DMXL1: variants seen among roughly 807,000 people sequenced by gnomAD.
DMXL1 encodes Dmx like 1, also known as dmX-like protein 1.
A neutral mutation model predicts 319.2 loss-of-function variants in DMXL1; 99 were observed. The ratio of observed to expected loss-of-function variants is 0.31; its 90% confidence interval spans 0.26 to 0.37. DMXL1 has a LOEUF of 0.37. Ranked by LOEUF, DMXL1 falls within the 10% of genes least tolerant of loss-of-function variation. The pLI is 1.00. For synonymous variants in DMXL1, 1,385 were observed against 1,235.2 expected (o/e 1.12, Z -2.54); for missense variants, 3,745 against 3,595.6 (o/e 1.04, Z -1.06).
At chr5:119,112,075 C>A (rs1191436729) in intron 5 of DMXL1, among the ~76,000 whole-genome samples, 1 of 152,196 alleles carries the variant, frequency 6.6e-6, no homozygotes, top group Non-Finnish European at 1.5e-5. Context: ...ATTCTCCTGC[C>A]TCGGCCTCCC....
intron 43 of DMXL1, among the ~76,000 whole-genome samples, chr5:119,246,453 T>C (rs184477274): frequency 1.2e-3 from 180 of 152,306 alleles, no homozygotes; most frequent in Non-Finnish European, 1.9e-3. Context: ...CTTACTCTCT[T>C]ACTAGATGGA....
rs1436549186 is a variant in DMXL1, at chr5:119,116,568, T to G, written c.743+232T>G. Among the ~76,000 whole-genome samples the G allele has an allele frequency of 2.6e-5, 4 of 152,230 alleles. No homozygotes were observed. The East Asian group carries it at 7.7e-4, about 29-fold the overall frequency. On this transcript the variant is annotated intron_variant, in intron 7 of 43. Transcript: ENST00000539542. The stretch of plus-strand genomic sequence containing the variant: ...TTAAGCTGGGATAGTTTACTCCATA[T>G]CAGATGTCTTTAAGTCACAGAGTTG...
intron 8 of DMXL1, among the ~76,000 whole-genome samples, chr5:119,119,948 C>T (rs1004344318): frequency 6.6e-6 from 1 of 151,416 alleles, no homozygotes; most frequent in Admixed American, 6.6e-5. Flanking sequence ...TGGGGCGATA[C>T]CAGCTCACTG....
chr5:119,097,955 A>G (rs1756366685), intron 1 of DMXL1, 24 bp from the exon 2 acceptor site: 3 of 1,567,728 alleles, frequency 1.9e-6, no homozygotes, highest in Admixed American at 3.6e-5. Flanking sequence ...CACTTTTATC[A>G]TTTTTATTTA....
At chr5:119,138,584 G>A (rs920787007) in intron 13 of DMXL1, among the ~76,000 whole-genome samples, 1 of 152,170 alleles carries the variant, frequency 6.6e-6, no homozygotes, top group Non-Finnish European at 1.5e-5. Flanking sequence ...CATGCCTGTA[G>A]TCCCAGCACT....
chr5:119,171,768 T>C lies in DMXL1; in HGVS notation c.6490-10T>C, dbSNP rs1342230538. The C allele has an allele frequency of 6.3e-7, 1 of 1,597,468 alleles. No homozygotes were observed. Among genetic ancestry groups the C allele is most frequent in the African/African-American group, 1.3e-5 (1 of 74,294 alleles). The stretch of plus-strand genomic sequence containing the variant: ...AGTTGGTTAACCTTTTATCCCTCTT[T>C]GTTTTTAAGGAAACATCAGAACCAC... On this transcript the variant is annotated splice_polypyrimidine_tract_variant and intron_variant, in intron 24 of 43. Coordinates refer to ENST00000539542, the MANE Select transcript of DMXL1 (RefSeq NM_001290321.3).
intron 19 of DMXL1, among the ~76,000 whole-genome samples, chr5:119,161,141 C>T (rs1772179125): frequency 6.6e-6 from 1 of 152,188 alleles, no homozygotes; most frequent in African/African-American, 2.4e-5. Context: ...ATGCGTGGTT[C>T]AGCCTGAAAT....
intron 1 of DMXL1, chr5:119,081,533 G>T: frequency 1.0e-6 from 1 of 977,870 alleles, no homozygotes; most frequent in Non-Finnish European, 1.2e-6. Context: ...TCAATTAACA[G>T]GTATATATAG....
At chr5:119,113,108 T>C (rs537514255) in intron 5 of DMXL1, among the ~76,000 whole-genome samples, 2 of 152,334 alleles carry the variant, frequency 1.3e-5, no homozygotes, top group South Asian at 4.1e-4. Context: ...AAAAATTATT[T>C]GAAATCATTG....
At chr5:119,145,107 A>C (rs1250607399) in intron 15 of DMXL1, among the ~76,000 whole-genome samples, 2 of 151,870 alleles carry the variant, frequency 1.3e-5, no homozygotes, top group Non-Finnish European at 3.0e-5. Context: ...CACACTGAGT[A>C]AAATAAAGCT....
intron 30 of DMXL1, 103 bp from the exon 31 acceptor site, chr5:119,196,268 T>G (rs1415613676): frequency 1.2e-6 from 1 of 850,206 alleles, no homozygotes; most frequent in Non-Finnish European, 2.0e-6. Flanking sequence ...AGGGGTATGT[T>G]CAGGTTGATT....
intron 19 of DMXL1, among the ~76,000 whole-genome samples, chr5:119,163,688 A>G (rs531372233): frequency 6.6e-6 from 1 of 152,304 alleles, no homozygotes; most frequent in East Asian, 1.9e-4. Flanking sequence ...TCCTGGGTTC[A>G]CGCCATTCTC....
At chr5:119,114,670 T>TTTTG in intron 6 of DMXL1, 129 bp downstream of exon 6, 1 of 718,006 alleles carries the variant, frequency 1.4e-6, no homozygotes, top group Non-Finnish European at 2.2e-6. Context: ...AAATTGTTTT[T>TTTTG]TTTGTTTGTT....
At chr5:119,124,722 T>G (rs904995359) in intron 9 of DMXL1, among the ~76,000 whole-genome samples, 7 of 151,850 alleles carry the variant, frequency 4.6e-5, no homozygotes, top group Non-Finnish European at 1.0e-4. Flanking sequence ...TGAGCCACCA[T>G]GCCTGGCTAA....
At chr5:119,195,877 TTACTC>T (rs936114027) in intron 30 of DMXL1, among the ~76,000 whole-genome samples, 13 of 152,326 alleles carry the variant, frequency 8.5e-5, no homozygotes, top group East Asian at 1.9e-4. Context: ...AAACTTCTCT[TTACTC>T]TATCCAATTT....
At chr5:119,090,665 C>T (rs530548902) in intron 1 of DMXL1, among the ~76,000 whole-genome samples, 5 of 149,752 alleles carry the variant, frequency 3.3e-5, no homozygotes, top group South Asian at 2.1e-4. Flanking sequence ...CGTGTTCAAG[C>T]GATTCTCCTG....
Position 119,171,883 on chromosome 5 carries a change from T to C in DMXL1, c.6595T>C (p.Leu2199=), listed in dbSNP as rs752281435. 3 of 1,613,976 alleles carry C rather than the reference T, an allele frequency of 1.9e-6. No individual in the cohort carries two copies. The highest frequency in any genetic ancestry group is 2.5e-6 in the Non-Finnish European group (3 of 1,179,902). The change falls in exon 25 of 44, where the codon TTG becomes CTG. Residue 2199 remains leucine, a synonymous_variant. Transcript: ENST00000539542. ...NAKTVVANPL[L]HLSNLTHDIL... ...CAAAACAGTAGTTGCCAATCCATTA[T>C]TGCACCTTAGTAATCTGACACATGA... is the stretch of plus-strand genomic sequence containing the variant.
Position 119,220,925 on chromosome 5 carries a change from G to T in DMXL1, c.8136-15G>T, listed in dbSNP as rs757237696. The stretch of plus-strand genomic sequence containing the variant: ...ATGATGAGTTGTTTTTATTCTGGTT[G>T]ACATTCCTTTATAGATCAGAAGATT... On this transcript the variant is annotated splice_polypyrimidine_tract_variant and intron_variant, in intron 36 of 43. Transcript: ENST00000539542. 9.3e-6 allele frequency: 15 copies of T among 1,608,600 alleles called. No individual in the cohort carries two copies. Among genetic ancestry groups the T allele is most frequent in the Non-Finnish European group, 1.3e-5 (15 of 1,177,948 alleles).
chr5:119,175,315 C>G lies in DMXL1; in HGVS notation c.6736C>G (p.Leu2246Val). The change falls in exon 26 of 44, where the codon CTT becomes GTT. Residue 2246 changes from leucine (L) to valine (V), a missense_variant. Coordinates refer to ENST00000539542, the MANE Select transcript of DMXL1 (RefSeq NM_001290321.3). Reference sequence around the variant, plus strand: ...ACTTTCTGCTTGTATTTATCAGTGCCTTTGTGGTAGTCATAACTACAGGTA... The same window carrying G: ...ACTTTCTGCTTGTATTTATCAGTGCGTTTGTGGTAGTCATAACTACAGGTA... ...ASLSACIYQC[L>V]CGSHNYSSFQ... The G allele has an allele frequency of 1.2e-6, 2 of 1,611,322 alleles. No individual in the cohort carries two copies. The highest frequency in any genetic ancestry group is 1.7e-6 in the Non-Finnish European group (2 of 1,178,630).
Sources: allele counts gnomAD v4.1 joint callset (sites outside exome capture counted in the v4.1 genomes callset), GRCh38; gene constraint gnomAD v4.1.1; transcripts MANE v1.5; gene names NCBI Gene and HGNC (gene_info 2026-07-23, HGNC 2026-07-21).